BSX: variants seen among roughly 807,000 people sequenced by gnomAD.
BSX encodes the protein brain specific homeobox.
Under a neutral mutation model 16.9 loss-of-function variants are expected in BSX, and 12 were observed. The observed-to-expected ratio is 0.71, with a 90% CI of 0.46 to 1.15. BSX has a LOEUF of 1.15. BSX is among the 50% of genes most tolerant of loss of function. The pLI is 0.00. For missense variants in BSX, 292 were observed against 311.8 expected, an observed-to-expected ratio of 0.94 and a Z score of 0.48; for synonymous variants, 160 against 136.4, an observed-to-expected ratio of 1.17 and a Z score of -1.20.
rs538802863 is a variant in BSX at position 122,978,891 on chromosome 11, C to T, written c.459+370G>A. The stretch of plus-strand genomic sequence containing the variant: ...CGCGATCTCGGCTCACTGCAACCTC[C>T]GCCTCCCGGGTTCAAGCGACTCTTC... On this transcript the variant is annotated intron_variant, in intron 2 of 2. Coordinates refer to ENST00000343035, the MANE Select transcript of BSX (RefSeq NM_001098169.2). Among the ~76,000 whole-genome samples, 52 of 149,268 alleles carry T rather than the reference C, an allele frequency of 3.5e-4. No homozygotes were observed. In the East Asian group the frequency reaches 3.6e-3, roughly 10 times the overall value.
In BSX at chr11:122,979,473, C is replaced by T. The variant is rs2135400909; in HGVS notation, c.263-16G>A. 1 of 1,601,730 alleles carries T rather than the reference C, an allele frequency of 6.2e-7. No individual in the cohort carries two copies. The stretch of plus-strand genomic sequence containing the variant: ...ACTGGCATCCCTGCAGAGAGAAGAG[C>T]AACCAAGTGGGCAGAGCGTGGGTCG... On this transcript the variant is annotated splice_polypyrimidine_tract_variant and intron_variant, in intron 1 of 2. Coordinates refer to ENST00000343035, the MANE Select transcript of BSX (RefSeq NM_001098169.2).
Position 122,977,869 on chromosome 11 carries a change from C to T in BSX, c.482G>A (p.Arg161Gln), listed in dbSNP as rs1159698686. ...ETQVKTWFQN[R>Q]RMKHKKQLRK... is the part of the protein sequence containing the mutation. ...CAGTTGCTTTTTATGCTTCATCCGC[C>T]GGTTCTGGAACCACGTTTTCACCTG... Residue 161 changes from arginine to glutamine, a missense_variant, in exon 3 of 3, where the codon CGG becomes CAG. Around this residue, in one of 3 missense-constraint regions of BSX, gnomAD observed 9 missense variants for 27.5 expected, o/e 0.33. Coordinates refer to ENST00000343035, the MANE Select transcript of BSX (RefSeq NM_001098169.2). The surrounding 1 kb of genome is among the most constrained non-coding windows in gnomAD (Gnocchi z 4.5). 1.2e-6 allele frequency: 2 copies of T among 1,613,814 alleles called. No homozygotes were observed. The highest frequency in any genetic ancestry group is 1.7e-6 in the Non-Finnish European group (2 of 1,179,952).
chr11:122,979,054 T>G (rs1864535503), intron 2 of BSX, among the ~76,000 whole-genome samples: 1 of 152,156 alleles, frequency 6.6e-6, no homozygotes, highest in African/African-American at 2.4e-5. Flanking sequence ...TCCGCCCGCC[T>G]CGGCCTTCCA....
chr11:122,980,851 CT>C (rs1304313599), intron 1 of BSX, among the ~76,000 whole-genome samples: 5 of 152,178 alleles, frequency 3.3e-5, no homozygotes, highest in African/African-American at 9.7e-5. Flanking sequence ...GCATCTCCCC[CT>C]ACCCCCCTTT....
chr11:122,977,785 G>T lies in BSX; in HGVS notation c.566C>A (p.Pro189His). ...PDGPESPEGS[P>H]RGSEAATAAE... ...GGCGGTGGCGGCCTCTGAACCGCGG[G>T]GGCTGCCCTCGGGGCTTTCTGGCCC... Residue 189 changes from proline to histidine, a missense_variant, in exon 3 of 3, where the codon CCC (proline) becomes CAC (histidine). Around this residue, in one of 3 missense-constraint regions of BSX, gnomAD observed 107 missense variants for 97.1 expected, o/e 1.10. Transcript: ENST00000343035. The surrounding 1 kb of genome is among the most constrained non-coding windows in gnomAD (Gnocchi z 4.5). 1 of 1,613,710 alleles carries T rather than the reference G, an allele frequency of 6.2e-7. No homozygotes were observed. Among genetic ancestry groups the T allele is most frequent in the Non-Finnish European group, 8.5e-7 (1 of 1,179,768 alleles).
chr11:122,980,486 G>A (rs778404792), intron 1 of BSX, among the ~76,000 whole-genome samples: 20 of 152,034 alleles, frequency 1.3e-4, no homozygotes, highest in Non-Finnish European at 2.8e-4. Flanking sequence ...GGATTCCAGC[G>A]CGCACAAACT....
Position 122,981,557 on chromosome 11 carries a change from C to T in BSX, c.115G>A (p.Asp39Asn). 2 of 1,599,980 alleles carry T rather than the reference C, an allele frequency of 1.3e-6. No individual in the cohort carries two copies. The highest frequency in any genetic ancestry group is 1.1e-5 in the South Asian group (1 of 88,114). ...KPKPLREVAP[D>N]HFASSLASRV... ...GAGGCCAGAGAGCTGGCGAAATGGTCTGGGGCCACCTCTCTCAGCGGCTTG... is the reference window on the plus strand; with the variant it reads ...GAGGCCAGAGAGCTGGCGAAATGGTTTGGGGCCACCTCTCTCAGCGGCTTG... The change falls in exon 1 of 3, where the codon GAC becomes AAC. Residue 39 changes from aspartate to asparagine, a missense_variant. Coordinates refer to ENST00000343035, the MANE Select transcript of BSX (RefSeq NM_001098169.2).
chr11:122,979,885 C>T (rs1410220554), intron 1 of BSX, among the ~76,000 whole-genome samples: 1 of 152,032 alleles, frequency 6.6e-6, no homozygotes, highest in African/African-American at 2.4e-5. Flanking sequence ...ACCTATCCTC[C>T]TAGACCCCTG....
rs957235386 is a variant in BSX at position 122,979,111 on chromosome 11, G to C, written c.459+150C>G. On this transcript the variant is annotated intron_variant, in intron 2 of 2. Transcript: ENST00000343035. ...GAGCCACCGCGCCCGGCCAGGTGTAGGTAATTTTACGAAAGCTCTTGGGAA... is the reference window on the plus strand; with the variant it reads ...GAGCCACCGCGCCCGGCCAGGTGTACGTAATTTTACGAAAGCTCTTGGGAA... 16 of 806,230 alleles carry C rather than the reference G, an allele frequency of 2.0e-5. No homozygotes were observed. In the African/African-American group the frequency reaches 2.8e-4, roughly 14 times the overall value. 49.9% of individuals were successfully genotyped at this position (806,230 alleles called of 1,614,324 possible).
At chr11:122,979,950 C>G (rs1454214334) in intron 1 of BSX, among the ~76,000 whole-genome samples, 1 of 152,012 alleles carries the variant, frequency 6.6e-6, no homozygotes, top group Non-Finnish European at 1.5e-5. Flanking sequence ...ATCTTGCCTC[C>G]AAACCTTACT....
At chr11:122,979,513 C>G in intron 1 of BSX, 56 bp from the exon 2 acceptor site, 1 of 1,485,908 alleles carries the variant, frequency 6.7e-7, no homozygotes, top group Non-Finnish European at 9.1e-7. Context: ...AGAGCAATCT[C>G]CGCTCCGCTC....
chr11:122,979,255 G>A lies in BSX; in HGVS notation c.459+6C>T, dbSNP rs201428576. On this transcript the variant is annotated splice_donor_region_variant and intron_variant, in intron 2 of 2. Coordinates refer to ENST00000343035, the MANE Select transcript of BSX (RefSeq NM_001098169.2). The stretch of plus-strand genomic sequence containing the variant: ...GAGATCAGGGCCTCCCTCTCCTCCC[G>A]CCCACCTGCGTCTCGGACAGGCTGA... 6.2e-7 allele frequency: 1 copy of A among 1,607,132 alleles called. No homozygotes were observed. The highest frequency in any genetic ancestry group is 1.7e-5 in the Admixed American group (1 of 59,596).
Position 122,979,347 on chromosome 11 carries a change from A to G in BSX, c.373T>C (p.Leu125=). 6.2e-7 allele frequency: 1 copy of G among 1,614,136 alleles called. No individual in the cohort carries two copies. Among genetic ancestry groups the G allele is most frequent in the Non-Finnish European group, 8.5e-7 (1 of 1,180,008 alleles). The change falls in exon 2 of 3, where the codon TTG becomes CTG. Residue 125 remains leucine (L), a synonymous_variant. Transcript: ENST00000343035. ...CGCTGGATCTCGAACCTCTTCTCCA[A>G]GCCCGAGAGCTGCGAGTCAGAGAAA... ...TVFSDSQLSG[L]EKRFEIQRYL...
Position 122,981,395 on chromosome 11 carries a change from G to T in BSX, c.262+15C>A, listed in dbSNP as rs543949010. On this transcript the variant is annotated intron_variant, in intron 1 of 2. Transcript: ENST00000343035. ...GCTCTCTCACTGCCCATACCTTGAG[G>T]TTCCTGTTACTTACCCGAGGTGGTG... 2.1e-4 allele frequency: 320 copies of T among 1,507,308 alleles called. 1 individual carries two copies. The South Asian group carries it at 2.6e-3, about 12-fold the overall frequency. 93.4% of individuals were successfully genotyped at this position (1,507,308 alleles called of 1,614,324 possible). A position where few individuals can be genotyped will look rare whatever the true frequency, so the allele number is the denominator to read the frequency against.
At chr11:122,980,529 C>G (rs77147881) in intron 1 of BSX, among the ~76,000 whole-genome samples, 2,653 of 152,236 alleles carry the variant, frequency 0.017, 68 homozygotes, top group South Asian at 0.093. Flanking sequence ...CCTCCACCGA[C>G]CATGGTTGTT....
chr11:122,979,438 C>T lies in BSX; in HGVS notation c.282G>A (p.Leu94=), dbSNP rs1864541014. The T allele has an allele frequency of 1.2e-6, 2 of 1,612,690 alleles. No individual in the cohort carries two copies. Among genetic ancestry groups the T allele is most frequent in the Non-Finnish European group, 8.5e-7 (1 of 1,179,740 alleles). Residue 94 remains leucine (L), a synonymous_variant, in exon 2 of 3, where the codon CTG becomes CTA. Coordinates refer to ENST00000343035, the MANE Select transcript of BSX (RefSeq NM_001098169.2). ...LTTSGMPVPA[L]FPHPQHAELP... ...GCTCCGCGTGCTGCGGGTGCGGGAACAGCGCTGGGACTGGCATCCCTGCAG... is the reference window on the plus strand; with the variant it reads ...GCTCCGCGTGCTGCGGGTGCGGGAATAGCGCTGGGACTGGCATCCCTGCAG...
rs1209691142 is a variant in BSX, at chr11:122,977,605, C to T, written c.*44G>A. On this transcript the variant is annotated 3_prime_UTR_variant, in exon 3 of 3. Transcript: ENST00000343035. The surrounding 1 kb of genome is among the most constrained non-coding windows in gnomAD (Gnocchi z 4.5). ...GTCCAGGAGGGAACCGCGCTCGGCC[C>T]CGCAGTCTCCTCCCCTGCCTACTAC... is the stretch of plus-strand genomic sequence containing the variant. 6.4e-7 allele frequency: 1 copy of T among 1,570,826 alleles called. No homozygotes were observed. Among genetic ancestry groups the T allele is most frequent in the Non-Finnish European group, 8.6e-7 (1 of 1,167,832 alleles).
chr11:122,980,122 C>G (rs1864550775), intron 1 of BSX, among the ~76,000 whole-genome samples: 1 of 152,126 alleles, frequency 6.6e-6, no homozygotes, highest in Non-Finnish European at 1.5e-5. Flanking sequence ...ACCCAGCTAC[C>G]TAATATAGTC....
At chr11:122,980,440 C>G (rs925606474) in intron 1 of BSX, among the ~76,000 whole-genome samples, 9 of 152,118 alleles carry the variant, frequency 5.9e-5, no homozygotes, top group Non-Finnish European at 1.2e-4. Flanking sequence ...TGCAGAGATG[C>G]GGACCTGGAT....
Sources: gnomAD v4.1 joint callset for allele counts (sites outside exome capture counted in the v4.1 genomes callset) on GRCh38, gnomAD v4.1.1 for gene constraint, gnomAD v4.1.1 regional missense constraint, Gnocchi (gnomAD v3.1) non-coding constraint, MANE v1.5 for transcripts, NCBI Gene and HGNC (gene_info 2026-07-23, HGNC 2026-07-21) for gene names.